MVP: variants seen among roughly 807,000 people sequenced by gnomAD.
MVP encodes the protein lung resistance-related protein.
A neutral mutation model predicts 83.5 loss-of-function variants in MVP; 62 were observed. The observed-to-expected ratio is 0.74, with a 90% confidence interval of 0.61 to 0.92. The LOEUF (loss-of-function observed/expected upper bound fraction) is 0.92. Among genes scored for constraint, MVP ranks in the 40% least tolerant of loss-of-function variants. The probability of loss-of-function intolerance (pLI) is 0.00; values close to 1 mark genes in which losing one functional copy is unlikely to be tolerated. For synonymous variants in MVP, 505 were observed against 504.1 expected (o/e 1.00, Z -0.02); for missense variants, 1,000 against 1,203.4 (o/e 0.83, Z 2.50).
rs878953528 is a variant in MVP, at chr16:29,845,981, T to A, written c.2138+2T>A. Reference sequence around the variant, plus strand: ...ACTTTTGGAGCTGGAGGCTCTGAGGTGGGTTGAGAACTAGAGGAGGAGACT... The same window carrying A: ...ACTTTTGGAGCTGGAGGCTCTGAGGAGGGTTGAGAACTAGAGGAGGAGACT... On this transcript the variant is annotated splice_donor_variant, in intron 12 of 14. Coordinates refer to ENST00000357402, the MANE Select transcript of MVP (RefSeq NM_005115.5). LOFTEE classifies it high-confidence loss of function. 2 of 1,614,090 alleles carry A rather than the reference T, an allele frequency of 1.2e-6. No individual in the cohort carries two copies. Among genetic ancestry groups the A allele is most frequent in the Non-Finnish European group, 1.7e-6 (2 of 1,179,970 alleles).
At chr16:29,824,425 C>G (rs2067391270) in intron 1 of MVP, among the ~76,000 whole-genome samples, 1 of 152,060 alleles carries the variant, frequency 6.6e-6, no homozygotes, top group Non-Finnish European at 1.5e-5. Context: ...ACTCTACTCA[C>G]TGCAGACCCC....
At chr16:29,845,220 G>T (rs369264356) in intron 11 of MVP, among the ~76,000 whole-genome samples, 1 of 147,606 alleles carries the variant, frequency 6.8e-6, no homozygotes, top group Non-Finnish European at 1.5e-5. Flanking sequence ...AAAAAAGCAC[G>T]TATCAGATGT....
intron 10 of MVP, among the ~76,000 whole-genome samples, chr16:29,844,251 T>C (rs889323054): frequency 6.6e-6 from 1 of 152,168 alleles, no homozygotes; most frequent in Non-Finnish European, 1.5e-5. Context: ...TACATTAGCA[T>C]TCTCTATTGC....
In MVP at chr16:29,842,040, ACTT is replaced by A; in HGVS notation, c.1567_1569del (p.Phe523del). The A allele has an allele frequency of 6.2e-7, 1 of 1,610,586 alleles. No homozygotes were observed. The highest frequency in any genetic ancestry group is 1.1e-5 in the South Asian group (1 of 91,046). ...GCGCTCTGCCTGCTGCTGGGGCCTGACTTCTTCACAGACGTCATCACCATCGAA... is the reference window on the plus strand; with the variant it reads ...GCGCTCTGCCTGCTGCTGGGGCCTGACTTCACAGACGTCATCACCATCGAA... On this transcript the variant is annotated inframe_deletion, in exon 10 of 15. Coordinates refer to ENST00000357402, the MANE Select transcript of MVP (RefSeq NM_005115.5).
At position 29,847,990 on chromosome 16, in the gene MVP, C is replaced by A; in HGVS notation, c.*1C>A. 1 of 1,605,908 alleles carries A rather than the reference C, an allele frequency of 6.2e-7. No homozygotes were observed. The highest frequency in any genetic ancestry group is 8.5e-7 in the Non-Finnish European group (1 of 1,177,542). On this transcript the variant is annotated 3_prime_UTR_variant, in exon 15 of 15. Transcript: ENST00000357402. ...CCACGTGGTGCCTGTACTGCGCTAA[C>A]TCCTGATTAATACAATGGAAGTTTC... is the stretch of plus-strand genomic sequence containing the variant.
At chr16:29,840,033 A>G in intron 7 of MVP, 145 bp from the exon 8 acceptor site, 2 of 742,028 alleles carry the variant, frequency 2.7e-6, no homozygotes, top group African/African-American at 1.8e-5. Flanking sequence ...ACAGTGCCTC[A>G]CCGTATTATG....
rs770961518 is a variant in MVP, at chr16:29,847,818, T to G, written c.2511T>G (p.Thr837=). The G allele has an allele frequency of 6.2e-7, 1 of 1,614,136 alleles. No individual in the cohort carries two copies. Among genetic ancestry groups the G allele is most frequent in the Admixed American group, 1.7e-5 (1 of 60,010 alleles). Residue 837 remains threonine, a synonymous_variant, in exon 15 of 15, where the codon ACT becomes ACG. Coordinates refer to ENST00000357402, the MANE Select transcript of MVP (RefSeq NM_005115.5). ...LKSTLITDGS[T]PINLFNTAFG... ...CAACCCTCATCACCGATGGCTCCACTCCCATCAACCTCTTCAACACAGCCT... is the reference window on the plus strand; with the variant it reads ...CAACCCTCATCACCGATGGCTCCACGCCCATCAACCTCTTCAACACAGCCT...
intron 7 of MVP, among the ~76,000 whole-genome samples, chr16:29,837,386 T>C (rs1045404144): frequency 1.1e-4 from 16 of 152,228 alleles, no homozygotes; most frequent in African/African-American, 3.9e-4. Context: ...TCCTGAATAC[T>C]GCAGGCAGCT....
At chr16:29,835,914 C>G (rs1275105893) in intron 6 of MVP, 116 bp downstream of exon 6, 2 of 844,886 alleles carry the variant, frequency 2.4e-6, no homozygotes, top group Non-Finnish European at 3.8e-6. Flanking sequence ...TTTAGGGTCA[C>G]TTAAAAAAAT....
Position 29,834,051 on chromosome 16 carries a change from A to T in MVP, c.562A>T (p.Lys188Ter), listed in dbSNP as rs1178711015. The change falls in exon 5 of 15, where the codon AAG becomes TAG. Residue 188 changes from lysine (K) to a stop codon, truncating the protein, a stop_gained. Transcript: ENST00000357402. LOFTEE classifies it high-confidence loss of function. ...CAAGGAGTGCTGGGACCGGGACGGC[A>T]AGGAGAGGGTGACAGGTGGGGTCAC... Reference protein sequence around the residue: ...ARKECWDRDGKERVTGEEWLV... With the variant: ...ARKECWDRDG The T allele has an allele frequency of 5.0e-6, 8 of 1,613,746 alleles. No individual in the cohort carries two copies. The highest frequency in any genetic ancestry group is 1.1e-5 in the South Asian group (1 of 90,992).
At chr16:29,835,839 A>G (rs932952624) in intron 6 of MVP, 41 bp downstream of exon 6, 1 of 1,563,896 alleles carries the variant, frequency 6.4e-7, no homozygotes, top group Non-Finnish European at 8.8e-7. Context: ...ACCTGGGGCT[A>G]GGGAACCCTC....
In MVP at chr16:29,841,670, G is replaced by A. The variant is rs765260143; in HGVS notation, c.1266G>A (p.Gly422=). The A allele has an allele frequency of 2.5e-6, 4 of 1,611,694 alleles. No homozygotes were observed. In the East Asian group the frequency reaches 6.7e-5, roughly 27 times the overall value. Residue 422 remains glycine, a synonymous_variant, in exon 9 of 15, where the codon GGG becomes GGA. Coordinates refer to ENST00000357402, the MANE Select transcript of MVP (RefSeq NM_005115.5). The surrounding 1 kb of genome is among the most constrained non-coding windows in gnomAD (Gnocchi z 4.7). The part of the protein sequence containing the change: ...EVLWEKELPP[G]VEELLNKGQD... ...TGTGGGAGAAAGAGCTGCCTCCCGG[G>A]GTGGAGGAGCTGCTGAACAAGGGGC...
Position 29,830,649 on chromosome 16 carries a change from AC to A in MVP, c.102del (p.Tyr35ThrfsTer17). The part of the protein sequence containing the change: ...NVSRVEVGPK[T>X]YIRQDNERVL... ...GTCCCGTGTGGAGGTCGGGCCAAAGACCTACATCCGGCAGGACAATGAGAGG... is the reference window on the plus strand; with the variant it reads ...GTCCCGTGTGGAGGTCGGGCCAAAGACTACATCCGGCAGGACAATGAGAGG... On this transcript the variant is annotated frameshift_variant, in exon 2 of 15. Coordinates refer to ENST00000357402, the MANE Select transcript of MVP (RefSeq NM_005115.5). LOFTEE classifies it high-confidence loss of function. The A allele has an allele frequency of 1.2e-6, 2 of 1,612,576 alleles. No homozygotes were observed. The highest frequency in any genetic ancestry group is 1.7e-6 in the Non-Finnish European group (2 of 1,179,574).
Position 29,847,715 on chromosome 16 carries a change from C to A in MVP, c.2455-47C>A, listed in dbSNP as rs529168286. On this transcript the variant is annotated intron_variant, in intron 14 of 14. Coordinates refer to ENST00000357402, the MANE Select transcript of MVP (RefSeq NM_005115.5). ...CTTAAGGAGGGTCACTCTGAAGTGG[C>A]CAGGGTTTGACGCCCATCTCAACTT... 3.6e-5 allele frequency: 57 copies of A among 1,576,082 alleles called. No homozygotes were observed. In the South Asian group the frequency reaches 5.6e-4, roughly 16 times the overall value.
At chr16:29,842,883 C>T (rs1042484350) in intron 10 of MVP, among the ~76,000 whole-genome samples, 5 of 152,170 alleles carry the variant, frequency 3.3e-5, no homozygotes, top group Non-Finnish European at 7.3e-5. Context: ...AGCGTGCAGC[C>T]AAATGCGTAA....
chr16:29,833,690 C>A lies in MVP; in HGVS notation c.322-43C>A. The A allele has an allele frequency of 1.9e-6, 3 of 1,611,970 alleles. No homozygotes were observed. The South Asian group carries it at 3.3e-5, about 18-fold the overall frequency. On this transcript the variant is annotated intron_variant, in intron 3 of 14. Transcript: ENST00000357402. ...AGAGCATCAGGCTTGGCCCTGGGGT[C>A]ACAGCACTGATGGTTCTGTGTCTCC...
In MVP at chr16:29,841,452, C is replaced by A; in HGVS notation, c.1192-144C>A. 8.8e-7 allele frequency: 1 copy of A among 1,135,570 alleles called. No homozygotes were observed. Among genetic ancestry groups the A allele is most frequent in the African/African-American group, 1.6e-5 (1 of 63,888 alleles). 70.3% of individuals were successfully genotyped at this position (1,135,570 alleles called of 1,614,324 possible). ...TGACAGGGCCAGCAGATGGCAAACC[C>A]GGGGTGGAGCCTGGCCTCCCCGTAG... On this transcript the variant is annotated intron_variant, in intron 8 of 14. Transcript: ENST00000357402. The surrounding 1 kb of genome is among the most constrained non-coding windows in gnomAD (Gnocchi z 4.7).
rs535714562 is a variant in MVP, at chr16:29,841,474, G to A, written c.1192-122G>A. The A allele has an allele frequency of 1.5e-5, 19 of 1,303,294 alleles. No individual in the cohort carries two copies. In the African/African-American group the frequency reaches 1.9e-4, roughly 13 times the overall value. 80.7% of individuals were successfully genotyped at this position (1,303,294 alleles called of 1,614,324 possible). On this transcript the variant is annotated intron_variant, in intron 8 of 14. Coordinates refer to ENST00000357402, the MANE Select transcript of MVP (RefSeq NM_005115.5). This position sits in a 1 kb window ranked among gnomAD's most constrained non-coding sequence, Gnocchi z 4.7. ...ACCCGGGGTGGAGCCTGGCCTCCCCGTAGAGAAGGTGTTTAACCTCGTGGC... is the reference window on the plus strand; with the variant it reads ...ACCCGGGGTGGAGCCTGGCCTCCCCATAGAGAAGGTGTTTAACCTCGTGGC...
In MVP at chr16:29,830,489, C is replaced by T. The variant is rs1326442032; in HGVS notation, c.-35-26C>T. The T allele has an allele frequency of 2.5e-6, 4 of 1,590,892 alleles. No homozygotes were observed. In the South Asian group the frequency reaches 4.6e-5, roughly 18 times the overall value. Reference sequence around the variant, plus strand: ...CCCACCCCAGGCTCCCCAGGTTCATCCTGTGTCGTCTCCCCCACCTACCAG... The same window carrying T: ...CCCACCCCAGGCTCCCCAGGTTCATTCTGTGTCGTCTCCCCCACCTACCAG... On this transcript the variant is annotated intron_variant, in intron 1 of 14. Transcript: ENST00000357402.
Sources: allele counts gnomAD v4.1 joint callset (sites outside exome capture counted in the v4.1 genomes callset), GRCh38; gene constraint gnomAD v4.1.1; non-coding constraint Gnocchi (gnomAD v3.1); transcripts MANE v1.5; gene names NCBI Gene and HGNC (gene_info 2026-07-23, HGNC 2026-07-21).